ASXL2: variants seen among roughly 807,000 people sequenced by gnomAD.
ASXL2 encodes the protein ASXL transcriptional regulator 2, also known as putative Polycomb group protein ASXL2.
In ASXL2, 23 loss-of-function variants were observed where a neutral mutation model predicts 122.0. The observed-to-expected ratio is 0.19, with a 90% CI of 0.14 to 0.27. The LOEUF (loss-of-function observed/expected upper bound fraction) is 0.27, where lower values mean the gene tolerates loss of function less well. Ranked by LOEUF, ASXL2 falls within the 10% of genes least tolerant of loss-of-function variation. The pLI is 1.00. For synonymous variants in ASXL2, 650 were observed against 637.0 expected, an observed-to-expected ratio of 1.02 and a Z score of -0.31; for missense variants, 1,518 against 1,713.8, an observed-to-expected ratio of 0.89 and a Z score of 2.02.
chr2:25,776,905 A>T (rs1349843767), intron 5 of ASXL2, among the ~76,000 whole-genome samples: 2 of 152,156 alleles, frequency 1.3e-5, no homozygotes, highest in Non-Finnish European at 2.9e-5. Context: ...TACCAGGACA[A>T]ACTGCTTAGA....
chr2:25,828,508 C>CAAAAAAA (rs753879104), intron 3 of ASXL2, among the ~76,000 whole-genome samples: 4 of 100,082 alleles, frequency 4.0e-5, no homozygotes, highest in Non-Finnish European at 5.7e-5. Flanking sequence ...AACTCCATTT[C>CAAAAAAA]AAAAAAAAAA....
intron 1 of ASXL2, among the ~76,000 whole-genome samples, chr2:25,851,627 T>A (rs2149196174): frequency 6.6e-6 from 1 of 152,354 alleles, no homozygotes; most frequent in South Asian, 2.1e-4. Context: ...ACTTTTTCTG[T>A]ATTCGTTTAC....
chr2:25,734,445 T>C lies in ASXL2; in HGVS notation c.*7584A>G, dbSNP rs1292579175. On this transcript the variant is annotated 3_prime_UTR_variant, in exon 13 of 13. Coordinates refer to ENST00000435504, the MANE Select transcript of ASXL2 (RefSeq NM_018263.6). ...CTGACTTCGGGTCAAAGCCCAACTC[T>C]ATTATAATTTCCAAGCTCTAGGTAT... The C allele has an allele frequency of 6.6e-6, 1 of 152,214 alleles. No homozygotes were observed. The highest frequency in any genetic ancestry group is 2.4e-5 in the African/African-American group (1 of 41,452). The allele number at this position is 152,214 out of a possible 1,614,324, so 9.4% of individuals were successfully genotyped here.
In ASXL2 at chr2:25,790,800, C is replaced by CTTT. The variant is rs35046164; in HGVS notation, c.403+8582_403+8584dup. Among the ~76,000 whole-genome samples, 433 of 108,808 alleles carry CTTT rather than the reference C, an allele frequency of 4.0e-3. 6 individuals carry two copies. Among genetic ancestry groups the CTTT allele is most frequent in the African/African-American group, 6.0e-3 (174 of 28,900 alleles). The allele number at this position is 108,808 out of a possible 152,430, so 71.4% of individuals were successfully genotyped here. A position where few individuals can be genotyped will look rare whatever the true frequency, so the allele number is the denominator to read the frequency against. On this transcript the variant is annotated intron_variant, in intron 5 of 12. Transcript: ENST00000435504. ...AAAGAGTCAATAAACAGTTTTTTGT[C>CTTT]TTTTTTTTTTTTTTTTTTTTTGAGA...
rs376851612 is a variant in ASXL2, at chr2:25,735,378, C to T, written c.*6651G>A. 3 of 152,246 alleles carry T rather than the reference C, an allele frequency of 2.0e-5. No individual in the cohort carries two copies. Among genetic ancestry groups the T allele is most frequent in the South Asian group, 2.1e-4 (1 of 4,830 alleles). 9.4% of individuals were successfully genotyped at this position (152,246 alleles called of 1,614,324 possible). On this transcript the variant is annotated 3_prime_UTR_variant, in exon 13 of 13. Coordinates refer to ENST00000435504, the MANE Select transcript of ASXL2 (RefSeq NM_018263.6). ...ATACACCAAATTCTTCTTTAAAAAGCGCTAGAGTCCTGCTGAAGCCCTTTT... is the reference window on the plus strand; with the variant it reads ...ATACACCAAATTCTTCTTTAAAAAGTGCTAGAGTCCTGCTGAAGCCCTTTT...
intron 3 of ASXL2, among the ~76,000 whole-genome samples, chr2:25,834,594 T>C (rs2089487887): frequency 6.6e-6 from 1 of 152,162 alleles, no homozygotes; most frequent in South Asian, 2.1e-4. Context: ...AACCCAAGCA[T>C]GCCATGTCCA....
intron 1 of ASXL2, among the ~76,000 whole-genome samples, chr2:25,857,221 G>A (rs371184423): frequency 4.4e-4 from 67 of 151,978 alleles, no homozygotes; most frequent in Middle Eastern, 3.4e-3. Context: ...CCCCAAAAGA[G>A]AACACAGAGA....
In ASXL2 at chr2:25,854,112, G is replaced by A. The variant is rs181553033; in HGVS notation, c.58-8549C>T. On this transcript the variant is annotated intron_variant, in intron 1 of 12. Coordinates refer to ENST00000435504, the MANE Select transcript of ASXL2 (RefSeq NM_018263.6). ...AGCTCATGGGCATAGTTTACCTAGG[G>A]GTCCCTCAATTCTGAACAGCTCTAT... Among the ~76,000 whole-genome samples, 1,205 of 152,138 alleles carry A rather than the reference G, an allele frequency of 7.9e-3. 9 individuals are homozygous for A. Among genetic ancestry groups the A allele is most frequent in the Non-Finnish European group, 0.013 (897 of 67,986 alleles).
rs571387451 is a variant in ASXL2 at position 25,875,460 on chromosome 2, T to C, written c.57+2706A>G. 6.6e-5 allele frequency among the ~76,000 whole-genome samples: 10 copies of C among 152,162 alleles called. No individual in the cohort carries two copies. In the South Asian group the frequency reaches 1.0e-3, roughly 16 times the overall value. On this transcript the variant is annotated intron_variant, in intron 1 of 12. Transcript: ENST00000435504. ...CCACTGCACTCCAGCCTGGAGAGCATAGCAAAACGATTCTAAATAAATAAA... is the reference window on the plus strand; with the variant it reads ...CCACTGCACTCCAGCCTGGAGAGCACAGCAAAACGATTCTAAATAAATAAA...
At chr2:25,846,203 G>C (rs536329205) in intron 1 of ASXL2, among the ~76,000 whole-genome samples, 1 of 152,360 alleles carries the variant, frequency 6.6e-6, no homozygotes, top group South Asian at 2.1e-4. Flanking sequence ...CATTTCTAAA[G>C]GTTGGATAGA....
chr2:25,856,241 G>A (rs1455073119), intron 1 of ASXL2, among the ~76,000 whole-genome samples: 1 of 151,586 alleles, frequency 6.6e-6, no homozygotes, highest in African/African-American at 2.4e-5. Context: ...ATTTTTATTA[G>A]AGATGGGGTT....
In ASXL2 at chr2:25,750,036, G is replaced by T; in HGVS notation, c.1520C>A (p.Thr507Asn). 6.2e-7 allele frequency: 1 copy of T among 1,614,016 alleles called. No individual in the cohort carries two copies. The highest frequency in any genetic ancestry group is 8.5e-7 in the Non-Finnish European group (1 of 1,179,888). The change falls in exon 12 of 13, where the codon ACC becomes AAC. Residue 507 changes from threonine (T) to asparagine (N), a missense_variant. Thr to Asn is a moderately conservative substitution (Grantham distance 65). Around this residue, in one of 8 missense-constraint regions of ASXL2, gnomAD observed 292 missense variants for 293.5 expected, o/e 1.00. Coordinates refer to ENST00000435504, the MANE Select transcript of ASXL2 (RefSeq NM_018263.6). ...ACTTTTGTTATAATTAGAAGCTGTG[G>T]TGAGATGGTTCTTCTCAGATTCCTG... ...AEQESEKNHL[T>N]TASNYNKSES...
chr2:25,868,311 G>A (rs1355519922), intron 1 of ASXL2, among the ~76,000 whole-genome samples: 1 of 152,226 alleles, frequency 6.6e-6, no homozygotes, highest in Admixed American at 6.5e-5. Context: ...AAGATGACGT[G>A]GGCCATCCCA....
intron 1 of ASXL2, among the ~76,000 whole-genome samples, chr2:25,877,472 T>G (rs1277947874): frequency 6.6e-6 from 1 of 152,136 alleles, no homozygotes; most frequent in Non-Finnish European, 1.5e-5. Flanking sequence ...TCCCTTTGGC[T>G]AGGGTAACGT....
chr2:25,871,344 G>C (rs1316522171), intron 1 of ASXL2, among the ~76,000 whole-genome samples: 8 of 152,170 alleles, frequency 5.3e-5, no homozygotes, highest in Non-Finnish European at 8.8e-5. Context: ...AGAGTAGATA[G>C]AATCTGTGGA....
intron 11 of ASXL2, among the ~76,000 whole-genome samples, chr2:25,751,521 C>T (rs1420647532): frequency 6.6e-6 from 1 of 151,918 alleles, no homozygotes; most frequent in African/African-American, 2.4e-5. Context: ...GGAGTCCCAG[C>T]TACTCAGGAG....
In ASXL2 at chr2:25,781,556, CT is replaced by C. The variant is rs75386706; in HGVS notation, c.404-10017del. On this transcript the variant is annotated intron_variant, in intron 5 of 12. Coordinates refer to ENST00000435504, the MANE Select transcript of ASXL2 (RefSeq NM_018263.6). ...ATCTATTTATTTACAATCTCAAATT[CT>C]TTTTTTTTTTTTTTTAAGACACAGG... Among the ~76,000 whole-genome samples the C allele has an allele frequency of 5.0e-3, 638 of 128,594 alleles. 1 individual carries two copies. The highest frequency in any genetic ancestry group is 0.019 in the South Asian group (74 of 3,958). 84.4% of individuals were successfully genotyped at this position (128,594 alleles called of 152,430 possible). A position where few individuals can be genotyped will look rare whatever the true frequency, so the allele number is the denominator to read the frequency against.
intron 2 of ASXL2, among the ~76,000 whole-genome samples, chr2:25,842,722 A>ATAT (rs2089600063): frequency 6.6e-6 from 1 of 151,254 alleles, no homozygotes; most frequent in African/African-American, 2.4e-5. Flanking sequence ...ATAGATAGAT[A>ATAT]GATGTATATA....
chr2:25,874,402 T>C (rs1047145633), intron 1 of ASXL2, among the ~76,000 whole-genome samples: 4 of 152,122 alleles, frequency 2.6e-5, no homozygotes, highest in Non-Finnish European at 4.4e-5. Context: ...GCTGGGAGGA[T>C]TGCTTGAGCC....
Sources: allele counts gnomAD v4.1 joint callset (sites outside exome capture counted in the v4.1 genomes callset), GRCh38; gene constraint gnomAD v4.1.1; regional missense constraint gnomAD v4.1.1; transcripts MANE v1.5; gene names NCBI Gene and HGNC (gene_info 2026-07-23, HGNC 2026-07-21).